The following KCNT2 variants were observed in gnomAD, a reference collection of about 807,000 sequenced individuals.
The protein encoded by KCNT2 is potassium channel subfamily T member 2.
KCNT2 carries 67 observed loss-of-function variants against 153.8 expected under a neutral mutation model. The observed-to-expected ratio is 0.44, with a 90% CI of 0.36 to 0.53. The LOEUF (loss-of-function observed/expected upper bound fraction) is 0.53, where lower values mean the gene tolerates loss of function less well. Among genes scored for constraint, KCNT2 ranks in the 20% least tolerant of loss-of-function variants. The pLI, the probability that KCNT2 is intolerant of heterozygous loss-of-function variation, is 0.00. For missense variants in KCNT2, 975 were observed against 1,354.8 expected, an observed-to-expected ratio of 0.72 and a Z score of 4.40; for synonymous variants, 500 against 458.8, an observed-to-expected ratio of 1.09 and a Z score of -1.15.
At chr1:196,352,416 T>C (rs2148223163) in intron 14 of KCNT2, among the ~76,000 whole-genome samples, 1 of 152,194 alleles carries the variant, frequency 6.6e-6, no homozygotes, top group East Asian at 1.9e-4. Context: ...ATTCAACTTC[T>C]TCCTGGTTTA....
intron 8 of KCNT2, among the ~76,000 whole-genome samples, chr1:196,443,851 ATTAGAG>A (rs1193853675): frequency 6.6e-6 from 1 of 151,540 alleles, no homozygotes; most frequent in African/African-American, 2.4e-5. Flanking sequence ...CCGGTTCCTG[ATTAGAG>A]TTCTTCACAA....
intron 1 of KCNT2, among the ~76,000 whole-genome samples, chr1:196,540,780 A>C (rs1175750638): frequency 1.3e-5 from 2 of 152,114 alleles, no homozygotes; most frequent in African/African-American, 4.8e-5. Flanking sequence ...AAAGATATCT[A>C]TTTAGGCCAG....
intron 16 of KCNT2, among the ~76,000 whole-genome samples, chr1:196,337,251 C>T (rs535995314): frequency 6.6e-6 from 1 of 151,910 alleles, no homozygotes; most frequent in South Asian, 2.1e-4. Context: ...TATGTTTCTT[C>T]ACACTTCTCT....
At chr1:196,465,266 C>T in intron 8 of KCNT2, 27 bp downstream of exon 8, 1 of 1,179,310 alleles carries the variant, frequency 8.5e-7, no homozygotes. Context: ...TGAAACATAA[C>T]ACAAATTCTG....
At chr1:196,485,699 A>C (rs1220176334) in intron 3 of KCNT2, among the ~76,000 whole-genome samples, 1 of 152,022 alleles carries the variant, frequency 6.6e-6, no homozygotes, top group African/African-American at 2.4e-5. Context: ...ATGGAAAGAC[A>C]TACTTTTACC....
intron 1 of KCNT2, among the ~76,000 whole-genome samples, chr1:196,534,311 G>T (rs1465162854): frequency 6.6e-6 from 1 of 152,060 alleles, no homozygotes; most frequent in African/African-American, 2.4e-5. Context: ...TTTCCTACTA[G>T]ACTCTGTGGA....
At chr1:196,269,517 G>A (rs1349938151) in intron 25 of KCNT2, among the ~76,000 whole-genome samples, 2 of 152,120 alleles carry the variant, frequency 1.3e-5, no homozygotes, top group Non-Finnish European at 1.5e-5. Flanking sequence ...TTGTGGACTA[G>A]TAAGCAGAAG....
intron 13 of KCNT2, among the ~76,000 whole-genome samples, chr1:196,392,657 A>T (rs959755860): frequency 1.3e-5 from 2 of 151,408 alleles, no homozygotes; most frequent in Non-Finnish European, 3.0e-5. Flanking sequence ...TTGGGTAGGA[A>T]AAAGTGATGC....
chr1:196,347,126 A>G lies in KCNT2; in HGVS notation c.1404-4898T>C, dbSNP rs114603971. 4.4e-3 allele frequency among the ~76,000 whole-genome samples: 675 copies of G among 152,210 alleles called. 3 individuals carry two copies. The highest frequency in any genetic ancestry group is 0.016 in the African/African-American group (647 of 41,560). On this transcript the variant is annotated intron_variant, in intron 14 of 27. Coordinates refer to ENST00000294725, the MANE Select transcript of KCNT2 (RefSeq NM_198503.5). ...TCAGTTCTGAGGAGCTCCAACATTCAGTGTGAATGTTGCTGCTGTTTTATT... is the reference window on the plus strand; with the variant it reads ...TCAGTTCTGAGGAGCTCCAACATTCGGTGTGAATGTTGCTGCTGTTTTATT...
At chr1:196,358,826 C>T (rs1439234091) in intron 14 of KCNT2, among the ~76,000 whole-genome samples, 3 of 151,858 alleles carry the variant, frequency 2.0e-5, no homozygotes, top group Non-Finnish European at 4.4e-5. Flanking sequence ...ATCCTGCATG[C>T]TGATATTCAG....
intron 23 of KCNT2, among the ~76,000 whole-genome samples, chr1:196,284,575 C>T (rs927591584): frequency 6.6e-6 from 1 of 151,842 alleles, no homozygotes; most frequent in Non-Finnish European, 1.5e-5. Flanking sequence ...CAACACTGCT[C>T]TTCAAATAAA....
chr1:196,304,046 T>C (rs1321913003), intron 22 of KCNT2, among the ~76,000 whole-genome samples: 1 of 152,132 alleles, frequency 6.6e-6, no homozygotes, highest in Non-Finnish European at 1.5e-5. Context: ...CTGTATAATC[T>C]TGGGAGAGGT....
intron 8 of KCNT2, among the ~76,000 whole-genome samples, chr1:196,450,018 T>C (rs1328203725): frequency 6.6e-6 from 1 of 151,792 alleles, no homozygotes; most frequent in Non-Finnish European, 1.5e-5. Flanking sequence ...AGGGCTGTGT[T>C]TGAAGAAGTG....
intron 25 of KCNT2, among the ~76,000 whole-genome samples, chr1:196,263,552 G>A (rs952019524): frequency 1.4e-4 from 21 of 151,988 alleles, no homozygotes; most frequent in Non-Finnish European, 2.4e-4. Context: ...TGGTTGATGG[G>A]TGCAGCAAAC....
intron 27 of KCNT2, among the ~76,000 whole-genome samples, chr1:196,231,674 A>G (rs570112959): frequency 3.9e-5 from 6 of 151,976 alleles, no homozygotes; most frequent in African/African-American, 1.4e-4. Flanking sequence ...AATGGAGACC[A>G]CAGAGGATGG....
At chr1:196,245,401 G>T (rs1482904807) in intron 26 of KCNT2, among the ~76,000 whole-genome samples, 3 of 152,068 alleles carry the variant, frequency 2.0e-5, no homozygotes, top group African/African-American at 7.2e-5. Context: ...AGAAAGATGG[G>T]TACACACAAG....
rs181945088 is a variant in KCNT2 at position 196,286,052 on chromosome 1, T to C, written c.2596-294A>G. Among the ~76,000 whole-genome samples the C allele has an allele frequency of 5.1e-3, 780 of 151,908 alleles. 6 individuals are homozygous for C. The highest frequency in any genetic ancestry group is 5.7e-3 in the Non-Finnish European group (384 of 67,952). Reference sequence around the variant, plus strand: ...CATAATGGAAACAAATAAAAATCATTGAAAAAAATGTGAAAAAAAAACTAA... The same window carrying C: ...CATAATGGAAACAAATAAAAATCATCGAAAAAAATGTGAAAAAAAAACTAA... On this transcript the variant is annotated intron_variant, in intron 22 of 27. Transcript: ENST00000294725.
intron 26 of KCNT2, among the ~76,000 whole-genome samples, chr1:196,250,183 T>C (rs917103588): frequency 3.9e-5 from 6 of 152,110 alleles, no homozygotes; most frequent in Non-Finnish European, 8.8e-5. Flanking sequence ...TCACATTACC[T>C]GACTTCATAT....
intron 2 of KCNT2, among the ~76,000 whole-genome samples, chr1:196,491,146 C>T (rs997420998): frequency 6.6e-6 from 1 of 152,004 alleles, no homozygotes; most frequent in African/African-American, 2.4e-5. Flanking sequence ...TCAAACAATG[C>T]ATCCACCTTT....
Sources: allele counts gnomAD v4.1 joint callset (sites outside exome capture counted in the v4.1 genomes callset), GRCh38; gene constraint gnomAD v4.1.1; transcripts MANE v1.5; gene names NCBI Gene and HGNC (gene_info 2026-07-23, HGNC 2026-07-21).